The following CLCA4 variants were observed in gnomAD, a reference collection of about 807,000 sequenced individuals.
CLCA4 encodes the protein chloride channel accessory 4.
In CLCA4, 69 loss-of-function variants were observed where a neutral mutation model predicts 78.9. The ratio of observed to expected loss-of-function variants is 0.87; its 90% CI spans 0.72 to 1.07. The LOEUF (loss-of-function observed/expected upper bound fraction) is 1.07, where lower values mean the gene tolerates loss of function less well. CLCA4 is among the 50% of genes least tolerant of loss of function. The pLI is 0.00. For synonymous variants in CLCA4, 362 were observed against 375.8 expected (o/e 0.96, Z 0.42); for missense variants, 1,133 against 1,095.8 (o/e 1.03, Z -0.48).
chr1:86,570,440 T>A (rs1650317172), intron 7 of CLCA4, among the ~76,000 whole-genome samples: 1 of 152,070 alleles, frequency 6.6e-6, no homozygotes, highest in Non-Finnish European at 1.5e-5. Flanking sequence ...GGATACAAGC[T>A]ACAAATTGAA....
At chr1:86,559,417 C>CTGTTT (rs1278358656) in intron 1 of CLCA4, among the ~76,000 whole-genome samples, 1 of 152,088 alleles carries the variant, frequency 6.6e-6, no homozygotes, top group African/African-American at 2.4e-5. Context: ...TCAACTAAGC[C>CTGTTT]TGTTTTCTAC....
chr1:86,579,587 G>T lies in CLCA4; in HGVS notation c.2356G>T (p.Val786Phe). 2 of 1,605,478 alleles carry T rather than the reference G, an allele frequency of 1.2e-6. No individual in the cohort carries two copies. Among genetic ancestry groups the T allele is most frequent in the Non-Finnish European group, 1.7e-6 (2 of 1,174,424 alleles). The change falls in exon 13 of 14, where the codon GTT becomes TTT. Residue 786 changes from valine to phenylalanine, a missense_variant and splice_region_variant. Coordinates refer to ENST00000370563, the MANE Select transcript of CLCA4 (RefSeq NM_012128.4). ...AGGAGATAATTTTGATGTTGGAAAA[G>T]GTAAGGATGAAGTGTCATGTGATTT... ...APGDNFDVGK[V>F]QRYIIRISAS...
chr1:86,574,819 T>C (rs1650460615), intron 10 of CLCA4, 64 bp downstream of exon 10: 4 of 1,186,464 alleles, frequency 3.4e-6, no homozygotes, highest in Middle Eastern at 3.9e-4. Context: ...AATTGTTTAA[T>C]GTCATAAATG....
chr1:86,571,368 A>G, intron 8 of CLCA4, 114 bp downstream of exon 8: 1 of 977,520 alleles, frequency 1.0e-6, no homozygotes, highest in Non-Finnish European at 1.5e-6. Flanking sequence ...GCTGGGGACC[A>G]GACCCAATCT....
Position 86,579,579 on chromosome 1 carries a change from T to C in CLCA4, c.2348T>C (p.Val783Ala), listed in dbSNP as rs1364899663. 1 of 1,611,908 alleles carries C rather than the reference T, an allele frequency of 6.2e-7. No individual in the cohort carries two copies. The highest frequency in any genetic ancestry group is 1.3e-5 in the African/African-American group (1 of 74,772). Residue 783 changes from valine (V) to alanine (A), a missense_variant, in exon 13 of 14, where the codon GTT becomes GCT. Coordinates refer to ENST00000370563, the MANE Select transcript of CLCA4 (RefSeq NM_012128.4). ...TWTAPGDNFD[V>A]GKVQRYIIRI... ...ACAGCACCAGGAGATAATTTTGATG[T>C]TGGAAAAGGTAAGGATGAAGTGTCA...
At chr1:86,553,073 C>A in intron 1 of CLCA4, 1 of 683,188 alleles carries the variant, frequency 1.5e-6, no homozygotes, top group South Asian at 1.7e-5. Flanking sequence ...ACCAAGTGGT[C>A]CAGCGGCGCC....
At position 86,560,354 on chromosome 1, in the gene CLCA4, A is replaced by T. The variant is rs373230738; in HGVS notation, c.444A>T (p.Pro148=). 4.5e-5 allele frequency: 73 copies of T among 1,613,026 alleles called. No individual in the cohort carries two copies. The highest frequency in any genetic ancestry group is 5.8e-5 in the Non-Finnish European group (69 of 1,179,728). ...GAAAAAAACAAAATGAATATGGACC[A>T]CCAGGTAGAAATTTTGGTTAAAAAA... ...LLGKKQNEYG[P]PGKLFVHEWA... The change falls in exon 3 of 14, where the codon CCA becomes CCT. Residue 148 remains proline, a synonymous_variant. Coordinates refer to ENST00000370563, the MANE Select transcript of CLCA4 (RefSeq NM_012128.4).
At position 86,571,199 on chromosome 1, in the gene CLCA4, T is replaced by C. The variant is rs147438890; in HGVS notation, c.1305T>C (p.Phe435=). Residue 435 remains phenylalanine (F), a synonymous_variant, in exon 8 of 14, where the codon TTT becomes TTC. Transcript: ENST00000370563. ...AACAAAGTGGGGCCATTGTTCATTT[T>C]ATTGCTTTGGGAAGAGCTGCTGATG... ...EVKQSGAIVH[F]IALGRAADEA... is the part of the protein sequence containing the mutation. The C allele has an allele frequency of 1.9e-6, 3 of 1,613,036 alleles. No individual in the cohort carries two copies. The African/African-American group carries it at 4.0e-5, about 22-fold the overall frequency.
chr1:86,557,510 T>C (rs1214789212), intron 1 of CLCA4, among the ~76,000 whole-genome samples: 1 of 152,248 alleles, frequency 6.6e-6, no homozygotes, highest in Non-Finnish European at 1.5e-5. Context: ...AATTTCCATG[T>C]AATTGCATGG....
At chr1:86,560,734 G>A (rs544505064) in intron 3 of CLCA4, among the ~76,000 whole-genome samples, 20 of 152,102 alleles carry the variant, frequency 1.3e-4, no homozygotes, top group Non-Finnish European at 2.8e-4. Flanking sequence ...TCACCAGTAA[G>A]CTACAAGAAA....
intron 1 of CLCA4, among the ~76,000 whole-genome samples, chr1:86,552,265 A>G (rs889718957): frequency 1.3e-5 from 2 of 152,248 alleles, no homozygotes; most frequent in African/African-American, 4.8e-5. Context: ...GAATTGTAAA[A>G]AAATCACCTG....
intron 3 of CLCA4, 90 bp downstream of exon 3, chr1:86,560,448 C>T (rs1649984482): frequency 7.6e-7 from 1 of 1,323,820 alleles, no homozygotes; most frequent in Non-Finnish European, 1.0e-6. Flanking sequence ...GGGCCAAAGT[C>T]CCTAGAATCA....
chr1:86,569,836 T>C (rs1650295724), intron 7 of CLCA4, among the ~76,000 whole-genome samples: 1 of 152,000 alleles, frequency 6.6e-6, no homozygotes, highest in Admixed American at 6.6e-5. Flanking sequence ...AATGTAGGAA[T>C]GTAGTTCCTA....
At position 86,567,569 on chromosome 1, in the gene CLCA4, A is replaced by G; in HGVS notation, c.1100A>G (p.Glu367Gly). ...NKLIQIKSSD[E>G]RNTLMAGLPT... is the part of the protein sequence containing the mutation. Reference sequence around the variant, plus strand: ...CTAATCCAAATAAAAAGCAGTGATGAAAGAAACACACTCATGGCAGGATTA... The same window carrying G: ...CTAATCCAAATAAAAAGCAGTGATGGAAGAAACACACTCATGGCAGGATTA... Residue 367 changes from glutamate (E) to glycine (G), a missense_variant, in exon 7 of 14, where the codon GAA (glutamate) becomes GGA (glycine). Glu to Gly is a moderately conservative substitution (Grantham distance 98). Transcript: ENST00000370563. 6.2e-7 allele frequency: 1 copy of G among 1,613,382 alleles called. No homozygotes were observed. Among genetic ancestry groups the G allele is most frequent in the Non-Finnish European group, 8.5e-7 (1 of 1,179,468 alleles).
chr1:86,578,077 G>C lies in CLCA4; in HGVS notation c.2122+5G>C. The stretch of plus-strand genomic sequence containing the variant: ...TACCAGGCTGGGTAGTGAACGGTGA[G>C]TAACTCATGATATTTATAATCCAGT... On this transcript the variant is annotated splice_donor_5th_base_variant and intron_variant, in intron 12 of 13. Coordinates refer to ENST00000370563, the MANE Select transcript of CLCA4 (RefSeq NM_012128.4). The C allele has an allele frequency of 6.2e-7, 1 of 1,605,928 alleles. No homozygotes were observed. Among genetic ancestry groups the C allele is most frequent in the Non-Finnish European group, 8.5e-7 (1 of 1,176,178 alleles).
At chr1:86,575,719 G>A in intron 11 of CLCA4, 120 bp downstream of exon 11, 1 of 866,614 alleles carries the variant, frequency 1.2e-6, no homozygotes, top group Non-Finnish European at 1.8e-6. Context: ...AGGAGGAACA[G>A]CAGGAACAGC....
chr1:86,556,382 T>C (rs551037796), intron 1 of CLCA4, among the ~76,000 whole-genome samples: 48 of 152,334 alleles, frequency 3.2e-4, no homozygotes, highest in African/African-American at 1.2e-3. Context: ...TTTCCTTCAA[T>C]ACCTACGTTA....
rs766688618 is a variant in CLCA4, at chr1:86,565,864, G to T, written c.798G>T (p.Lys266Asn). 6.2e-7 allele frequency: 1 copy of T among 1,606,032 alleles called. No homozygotes were observed. The highest frequency in any genetic ancestry group is 1.7e-4 in the Middle Eastern group (1 of 6,022). Residue 266 changes from lysine to asparagine, a missense_variant, in exon 6 of 14, where the codon AAG (lysine) becomes AAT (asparagine). By Grantham distance (94) the Lys-to-Asn change is moderately conservative (BLOSUM62 0). Transcript: ENST00000370563. ...AAGCTCCAAGCCTACAAAACATAAA[G>T]TGCAATTTTAGAAGTACATGGGAGG... ...NQEAPSLQNI[K>N]CNFRSTWEVI... is the part of the protein sequence containing the mutation.
rs1650174109 is a variant in CLCA4 at position 86,565,894 on chromosome 1, T to G, written c.828T>G (p.Ile276Met). Reference protein sequence around the residue: ...KCNFRSTWEVISNSEDFKNTI... With the variant: ...KCNFRSTWEVMSNSEDFKNTI... ...ATTTTAGAAGTACATGGGAGGTGAT[T>G]AGCAATTCTGAGGATTTTAAAAACA... The change falls in exon 6 of 14, where the codon ATT becomes ATG. Residue 276 changes from isoleucine to methionine, a missense_variant. Physicochemically the swap from Ile to Met is conservative, Grantham distance 10. Transcript: ENST00000370563. 1.2e-6 allele frequency: 2 copies of G among 1,612,082 alleles called. No homozygotes were observed. The highest frequency in any genetic ancestry group is 1.7e-5 in the Admixed American group (1 of 59,908).
Sources: allele counts gnomAD v4.1 joint callset (sites outside exome capture counted in the v4.1 genomes callset), GRCh38; gene constraint gnomAD v4.1.1; transcripts MANE v1.5; gene names NCBI Gene and HGNC (gene_info 2026-07-23, HGNC 2026-07-21).